The following ZNF557 variants were observed in gnomAD, a reference collection of about 807,000 sequenced individuals.
The protein encoded by ZNF557 is CTB-25J19.9.
In ZNF557, 19 loss-of-function variants were observed where a neutral mutation model predicts 21.2. The observed-to-expected ratio is 0.90, with a 90% confidence interval of 0.63 to 1.32. ZNF557 has a LOEUF of 1.32. ZNF557 is among the 40% of genes most tolerant of loss of function. The pLI is 0.00. For missense variants in ZNF557, 487 were observed against 519.8 expected (o/e 0.94, Z 0.61); for synonymous variants, 207 against 194.8 (o/e 1.06, Z -0.52).
chr19:7,071,819 A>G (rs1977466171), intron 2 of ZNF557, among the ~76,000 whole-genome samples: 1 of 149,062 alleles, frequency 6.7e-6, no homozygotes, highest in East Asian at 2.0e-4. Flanking sequence ...AAAAAAAAAA[A>G]AAAAAGCTGG....
At chr19:7,077,132 C>CTTTTTTTTTTTTTT (rs4031071) in intron 5 of ZNF557, among the ~76,000 whole-genome samples, 6 of 78,368 alleles carry the variant, frequency 7.7e-5, no homozygotes, top group Admixed American at 2.0e-4. Flanking sequence ...TGTTTTCTTT[C>CTTTTTTTTTTTTTT]TTTTTTTTTT....
chr19:7,083,143 A>G lies in ZNF557; in HGVS notation c.692A>G (p.Asn231Ser). 6.2e-7 allele frequency: 1 copy of G among 1,614,080 alleles called. No homozygotes were observed. The highest frequency in any genetic ancestry group is 1.1e-5 in the South Asian group (1 of 91,074). Residue 231 changes from asparagine (N) to serine (S), a missense_variant, in exon 8 of 8, where the codon AAT (asparagine) becomes AGT (serine). Transcript: ENST00000252840. Reference protein sequence around the residue: ...SYLTVHKRIHNGEKPYECSDC... With the variant: ...SYLTVHKRIHSGEKPYECSDC... ...CTTACTGTTCATAAGAGAATCCACA[A>G]TGGGGAGAAACCCTACGAATGCAGT...
At chr19:7,080,337 C>T (rs1400688040) in intron 5 of ZNF557, among the ~76,000 whole-genome samples, 1 of 152,166 alleles carries the variant, frequency 6.6e-6, no homozygotes, top group Non-Finnish European at 1.5e-5. Flanking sequence ...AGATGCTCTA[C>T]TCCTCAGAGC....
chr19:7,082,945 C>A lies in ZNF557; in HGVS notation c.494C>A (p.Ser165Tyr), dbSNP rs554909679. ...TGTTTTAAAGTCTTCAGCACAAAAT[C>A]TTCCCTTACACGGCACAGGAAGATT... ...NQCFKVFSTK[S>Y]SLTRHRKIHT... is the part of the protein sequence containing the mutation. Residue 165 changes from serine to tyrosine, a missense_variant, in exon 8 of 8, where the codon TCT becomes TAT. Ser to Tyr is a moderately radical substitution (Grantham distance 144). Coordinates refer to ENST00000252840, the MANE Select transcript of ZNF557 (RefSeq NM_024341.3). 6 of 1,612,820 alleles carry A rather than the reference C, an allele frequency of 3.7e-6. No homozygotes were observed. The African/African-American group carries it at 8.0e-5, about 21-fold the overall frequency.
chr19:7,075,245 G>A (rs779439260), intron 3 of ZNF557, 140 bp downstream of exon 3: 14 of 1,219,498 alleles, frequency 1.1e-5, no homozygotes, highest in Non-Finnish European at 1.7e-5. Flanking sequence ...GTGTCTGATC[G>A]GGCGGCTCTT....
At chr19:7,082,743 A>G in intron 7 of ZNF557, 135 bp from the exon 8 acceptor site, 2 of 772,706 alleles carry the variant, frequency 2.6e-6, no homozygotes, top group Non-Finnish European at 3.9e-6. Flanking sequence ...GCCATGTACC[A>G]GCACTCATGA....
chr19:7,071,064 T>G (rs1244198664), intron 2 of ZNF557, among the ~76,000 whole-genome samples: 2 of 152,074 alleles, frequency 1.3e-5, no homozygotes, highest in Admixed American at 1.3e-4. Context: ...CGAGTGAGGG[T>G]ATCTTAAAAA....
intron 2 of ZNF557, among the ~76,000 whole-genome samples, chr19:7,073,528 C>A (rs1301579797): frequency 2.6e-5 from 4 of 152,120 alleles, no homozygotes; most frequent in Admixed American, 2.0e-4. Context: ...AATATATAAA[C>A]TTTTCACATG....
chr19:7,082,142 A>G, intron 7 of ZNF557, 90 bp downstream of exon 7: 1 of 1,015,596 alleles, frequency 9.8e-7, no homozygotes, highest in Non-Finnish European at 1.5e-6. Flanking sequence ...TTGGCCAGGC[A>G]CAGTGGCTCA....
intron 2 of ZNF557, among the ~76,000 whole-genome samples, chr19:7,074,305 C>T (rs765046236): frequency 4.4e-4 from 63 of 142,002 alleles, no homozygotes; most frequent in Non-Finnish European, 8.2e-4. Flanking sequence ...CGCGCCTGGC[C>T]AGCCGCTTTC....
rs1470964901 is a variant in ZNF557 at position 7,083,298 on chromosome 19, A to T, written c.847A>T (p.Lys283Ter). ...FRTQSIFTRH[K>*]RVHTGEGHYV... is the part of the protein sequence containing the mutation. ...CACTCAGTCAATCTTCACAAGGCAC[A>T]AGAGAGTTCATACGGGGGAGGGTCA... The change falls in exon 8 of 8, where the codon AAG becomes TAG. Residue 283 changes from lysine (K) to a stop codon, truncating the protein, a stop_gained. Coordinates refer to ENST00000252840, the MANE Select transcript of ZNF557 (RefSeq NM_024341.3). LOFTEE classifies it low-confidence loss of function (END_TRUNC). 1 of 1,614,226 alleles carries T rather than the reference A, an allele frequency of 6.2e-7. No homozygotes were observed. The highest frequency in any genetic ancestry group is 8.5e-7 in the Non-Finnish European group (1 of 1,180,034).
At chr19:7,072,351 G>C (rs1402516157) in intron 2 of ZNF557, among the ~76,000 whole-genome samples, 3 of 151,022 alleles carry the variant, frequency 2.0e-5, no homozygotes, top group African/African-American at 7.3e-5. Context: ...CTTGAACCCA[G>C]GAGGCGGAGG....
rs113431612 is a variant in ZNF557, at chr19:7,084,355, ATTTTT to A, written c.*620_*624del. Reference sequence around the variant, plus strand: ...GGAGGAAAGCCTTCAGCTGACCCTCATTTTTTTTTTTTTAAGACAATGTCTCACTC... The same window carrying A: ...GGAGGAAAGCCTTCAGCTGACCCTCATTTTTTTTAAGACAATGTCTCACTC... On this transcript the variant is annotated 3_prime_UTR_variant, in exon 8 of 8. Coordinates refer to ENST00000252840, the MANE Select transcript of ZNF557 (RefSeq NM_024341.3). 1 of 144,716 alleles carries A rather than the reference ATTTTT, an allele frequency of 6.9e-6. No individual in the cohort carries two copies. The highest frequency in any genetic ancestry group is 2.5e-5 in the African/African-American group (1 of 39,416). The allele number at this position is 144,716 out of a possible 1,614,324, so 9.0% of individuals were successfully genotyped here.
At chr19:7,081,150 G>GGTGTGTGTGTGTGT (rs531191945) in intron 5 of ZNF557, among the ~76,000 whole-genome samples, 1 of 139,106 alleles carries the variant, frequency 7.2e-6, no homozygotes, top group African/African-American at 2.8e-5. Flanking sequence ...TTGCTTGTGG[G>GGTGTGTGTGTGTGT]GTGTGTGTGT....
chr19:7,073,166 T>TTG (rs1294561578), intron 2 of ZNF557, among the ~76,000 whole-genome samples: 6 of 149,912 alleles, frequency 4.0e-5, no homozygotes, highest in Non-Finnish European at 7.4e-5. Context: ...TGTTTTTTTT[T>TTG]TTTTGAGATG....
intron 7 of ZNF557, 97 bp from the exon 8 acceptor site, chr19:7,082,781 G>T: frequency 7.8e-7 from 1 of 1,280,826 alleles, no homozygotes; most frequent in South Asian, 1.5e-5. Flanking sequence ...CCAATACTAT[G>T]ATACACAACA....
chr19:7,076,793 G>A (rs1977594493), intron 5 of ZNF557, among the ~76,000 whole-genome samples: 1 of 152,112 alleles, frequency 6.6e-6, no homozygotes, highest in Admixed American at 6.5e-5. Flanking sequence ...CTCTATAGAT[G>A]TGTCTCTTCT....
At chr19:7,079,381 A>G (rs1479703503) in intron 5 of ZNF557, among the ~76,000 whole-genome samples, 2 of 151,008 alleles carry the variant, frequency 1.3e-5, no homozygotes, top group Non-Finnish European at 2.9e-5. Flanking sequence ...AGCTGGGACT[A>G]CAGGCGCCCA....
Position 7,087,226 on chromosome 19 carries a change from T to TTTTTTTTTTTTTTTG in ZNF557, c.*3482_*3483insTTTTTTTTTTTTTTG, listed in dbSNP as rs1555730813. 1.1e-5 allele frequency: 1 copy of TTTTTTTTTTTTTTTG among 87,560 alleles called. No homozygotes were observed. Among genetic ancestry groups the TTTTTTTTTTTTTTTG allele is most frequent in the Non-Finnish European group, 2.1e-5 (1 of 47,462 alleles). The allele number at this position is 87,560 out of a possible 1,614,324, so 5.4% of individuals were successfully genotyped here. A position where few individuals can be genotyped will look rare whatever the true frequency, so the allele number is the denominator to read the frequency against. ...GCTTTTTTTTTTTTTTTTTTTTTTT[T>TTTTTTTTTTTTTTTG]CTTCACTGTGGTGATAAAAACCACA... On this transcript the variant is annotated 3_prime_UTR_variant, in exon 8 of 8. Transcript: ENST00000252840.
Sources: gnomAD v4.1 joint callset for allele counts (sites outside exome capture counted in the v4.1 genomes callset) on GRCh38, gnomAD v4.1.1 for gene constraint, MANE v1.5 for transcripts, NCBI Gene and HGNC (gene_info 2026-07-23, HGNC 2026-07-21) for gene names.